The following CA10 variants were observed in gnomAD, a reference collection of about 807,000 sequenced individuals.
The protein encoded by CA10 is carbonic anhydrase-related protein 10.
Under a neutral mutation model 44.2 loss-of-function variants are expected in CA10, and 14 were observed. That is an observed-to-expected ratio of 0.32 (90% CI 0.21 to 0.50). The LOEUF (loss-of-function observed/expected upper bound fraction) is 0.50. Ranked by LOEUF, CA10 falls within the 20% of genes least tolerant of loss-of-function variation. The probability of loss-of-function intolerance (pLI) is 0.99; values close to 1 mark genes in which losing one functional copy is unlikely to be tolerated. For synonymous variants in CA10, 159 were observed against 141.6 expected (o/e 1.12, Z -0.87); for missense variants, 350 against 409.7 (o/e 0.85, Z 1.26).
chr17:51,989,132 A>G (rs761299940), intron 2 of CA10, among the ~76,000 whole-genome samples: 114 of 151,014 alleles, frequency 7.5e-4, no homozygotes, highest in Non-Finnish European at 1.0e-3. Context: ...TCCTGGAGCT[A>G]CTATATCAGA....
At chr17:51,782,826 C>T (rs1362924058) in intron 3 of CA10, among the ~76,000 whole-genome samples, 2 of 152,170 alleles carry the variant, frequency 1.3e-5, no homozygotes, top group Non-Finnish European at 2.9e-5. Flanking sequence ...GCTTGGCAGA[C>T]ATCAGCTTGA....
In CA10 at chr17:51,931,144, A is replaced by C. The variant is rs1327830018; in HGVS notation, c.137-12T>G. ...CCAGAAAGAAGGAACTAGAAACAAA[A>C]AGAAATTATAGAATTAGGCTGAGTA... On this transcript the variant is annotated splice_polypyrimidine_tract_variant and intron_variant, in intron 2 of 8. Transcript: ENST00000451037. The C allele has an allele frequency of 6.2e-7, 1 of 1,612,974 alleles. No homozygotes were observed. Among genetic ancestry groups the C allele is most frequent in the Non-Finnish European group, 8.5e-7 (1 of 1,179,394 alleles).
chr17:52,034,585 T>C (rs1448791087), intron 2 of CA10, among the ~76,000 whole-genome samples: 1 of 152,088 alleles, frequency 6.6e-6, no homozygotes, highest in African/African-American at 2.4e-5. Context: ...CTCTATTTTA[T>C]GGGGAGATTA....
intron 3 of CA10, among the ~76,000 whole-genome samples, chr17:51,848,918 T>A (rs1978616559): frequency 6.6e-6 from 1 of 151,604 alleles, no homozygotes; most frequent in African/African-American, 2.4e-5. Flanking sequence ...TGGTGGTGCA[T>A]GCCTGTGGTC....
chr17:51,822,911 C>T (rs950472068), intron 3 of CA10, among the ~76,000 whole-genome samples: 23 of 152,154 alleles, frequency 1.5e-4, no homozygotes, highest in Middle Eastern at 3.2e-3. Flanking sequence ...GATGGAATGA[C>T]AGCCAGAATC....
chr17:51,644,946 G>T (rs776342378), intron 6 of CA10, among the ~76,000 whole-genome samples: 4 of 151,716 alleles, frequency 2.6e-5, no homozygotes, highest in African/African-American at 9.7e-5. Context: ...TTACAGGCGC[G>T]CGCCACAATC....
chr17:51,650,126 G>C (rs545711805), intron 5 of CA10, among the ~76,000 whole-genome samples: 26 of 152,208 alleles, frequency 1.7e-4, no homozygotes, highest in Non-Finnish European at 3.4e-4. Context: ...TCCTCTGTTG[G>C]GAGAAGAAAC....
intron 2 of CA10, among the ~76,000 whole-genome samples, chr17:51,936,132 C>G (rs932569573): frequency 1.3e-5 from 2 of 152,124 alleles, no homozygotes; most frequent in Admixed American, 1.3e-4. Flanking sequence ...CTCTGATGTG[C>G]CAGGCATTAG....
At chr17:51,861,444 T>C (rs546200913) in intron 3 of CA10, among the ~76,000 whole-genome samples, 6 of 151,922 alleles carry the variant, frequency 3.9e-5, no homozygotes, top group Non-Finnish European at 8.8e-5. Flanking sequence ...AGAAAGGCAT[T>C]AGGAAAAGCT....
chr17:51,926,309 C>T (rs2143983487), intron 3 of CA10, among the ~76,000 whole-genome samples: 1 of 152,172 alleles, frequency 6.6e-6, no homozygotes, highest in East Asian at 1.9e-4. Context: ...TATTGTTTCC[C>T]TGTTGTACAG....
At chr17:51,969,078 T>C (rs1984184365) in intron 2 of CA10, among the ~76,000 whole-genome samples, 1 of 152,026 alleles carries the variant, frequency 6.6e-6, no homozygotes, top group African/African-American at 2.4e-5. Flanking sequence ...AGCCCACATA[T>C]ATTTGGATAA....
At chr17:51,942,111 G>T (rs1306277938) in intron 2 of CA10, among the ~76,000 whole-genome samples, 1 of 152,080 alleles carries the variant, frequency 6.6e-6, no homozygotes, top group African/African-American at 2.4e-5. Context: ...CTCAGTTTTT[G>T]CAATTTCTCA....
At chr17:51,718,097 A>G (rs1327444745) in intron 4 of CA10, among the ~76,000 whole-genome samples, 1 of 151,182 alleles carries the variant, frequency 6.6e-6, no homozygotes, top group Non-Finnish European at 1.5e-5. Flanking sequence ...GGGACAAAAG[A>G]CATACAAATA....
chr17:52,027,967 C>A (rs1250649677), intron 2 of CA10, among the ~76,000 whole-genome samples: 1 of 152,142 alleles, frequency 6.6e-6, no homozygotes, highest in African/African-American at 2.4e-5. Context: ...GTAGGCTGGA[C>A]TGCTTTTGGC....
At chr17:51,873,396 C>A (rs1313376817) in intron 3 of CA10, among the ~76,000 whole-genome samples, 1 of 152,168 alleles carries the variant, frequency 6.6e-6, no homozygotes, top group Non-Finnish European at 1.5e-5. Flanking sequence ...AACTCCTTCA[C>A]AGAGTGCAGT....
intron 1 of CA10, among the ~76,000 whole-genome samples, chr17:52,085,199 C>T (rs1988086117): frequency 6.6e-6 from 1 of 152,146 alleles, no homozygotes; most frequent in Non-Finnish European, 1.5e-5. Context: ...AGCTCTAATC[C>T]ATTCTTTCCT....
intron 1 of CA10, among the ~76,000 whole-genome samples, chr17:52,131,167 T>TA (rs1989230507): frequency 6.6e-6 from 1 of 151,930 alleles, no homozygotes; most frequent in African/African-American, 2.4e-5. Flanking sequence ...AGTTCCCCTT[T>TA]AAAAAAACAA....
Position 51,792,779 on chromosome 17 carries a change from CTT to C in CA10, c.280-44963_280-44962del, listed in dbSNP as rs546914210. Among the ~76,000 whole-genome samples, 552 of 152,304 alleles carry C rather than the reference CTT, an allele frequency of 3.6e-3. 2 individuals are homozygous for C. Among genetic ancestry groups the C allele is most frequent in the African/African-American group, 0.013 (524 of 41,560 alleles). On this transcript the variant is annotated intron_variant, in intron 3 of 8. Transcript: ENST00000451037. ...GAGACGATCAATATCTTGTTTAACT[CTT>C]ATGACAACTATATAGCAATAGAGCA...
intron 3 of CA10, among the ~76,000 whole-genome samples, chr17:51,826,929 C>G (rs1598065844): frequency 6.6e-6 from 1 of 152,206 alleles, no homozygotes; most frequent in Non-Finnish European, 1.5e-5. Flanking sequence ...TGTGGTTTCT[C>G]TACACCCTGC....
Sources: allele counts gnomAD v4.1 joint callset (sites outside exome capture counted in the v4.1 genomes callset), GRCh38; gene constraint gnomAD v4.1.1; transcripts MANE v1.5; gene names NCBI Gene and HGNC (gene_info 2026-07-23, HGNC 2026-07-21).